The following RIPOR2 variants were observed in gnomAD, a reference collection of about 807,000 sequenced individuals.
RIPOR2 encodes rho family-interacting cell polarization regulator 2.
RIPOR2 carries 39 observed loss-of-function variants against 114.5 expected under a neutral mutation model. The observed-to-expected ratio is 0.34, with a 90% CI of 0.26 to 0.44. The LOEUF is 0.44. RIPOR2 is among the 20% of genes least tolerant of loss of function. RIPOR2 has a pLI of 1.00. For missense variants in RIPOR2, 1,007 were observed against 1,255.1 expected (o/e 0.80, Z 2.99); for synonymous variants, 445 against 484.4 (o/e 0.92, Z 1.07).
intron 9 of RIPOR2, among the ~76,000 whole-genome samples, chr6:24,852,202 C>T (rs566854331): frequency 1.0e-3 from 157 of 152,146 alleles, no homozygotes; most frequent in African/African-American, 3.7e-3. Context: ...GCAGAGGTTG[C>T]AGTGAGCTGA....
chr6:25,034,267 A>G (rs1777134794), intron 1 of RIPOR2, among the ~76,000 whole-genome samples: 1 of 104,150 alleles, frequency 9.6e-6, no homozygotes, highest in Non-Finnish European at 1.7e-5. Flanking sequence ...ATCAAGACAT[A>G]TTTTTCAGTG....
chr6:24,981,007 T>C (rs1478168360), intron 1 of RIPOR2, among the ~76,000 whole-genome samples: 1 of 152,236 alleles, frequency 6.6e-6, no homozygotes, highest in African/African-American at 2.4e-5. Context: ...TCCACCTCTG[T>C]AGGAGATGCA....
At chr6:24,811,454 C>A (rs1781157380) in intron 20 of RIPOR2, among the ~76,000 whole-genome samples, 1 of 151,552 alleles carries the variant, frequency 6.6e-6, no homozygotes, top group Non-Finnish European at 1.5e-5. Context: ...CCAGGCTGGT[C>A]TCGATCTCCT....
At chr6:25,025,248 G>C (rs757016775) in intron 1 of RIPOR2, among the ~76,000 whole-genome samples, 1 of 152,108 alleles carries the variant, frequency 6.6e-6, no homozygotes, top group Non-Finnish European at 1.5e-5. Context: ...TATAGTCAAG[G>C]GGGGAAAAAG....
chr6:24,913,092 C>T (rs192977500), intron 1 of RIPOR2, among the ~76,000 whole-genome samples: 111 of 152,156 alleles, frequency 7.3e-4, no homozygotes, highest in Non-Finnish European at 1.4e-3. Flanking sequence ...CCCCAACTTA[C>T]CCTATTGGGC....
chr6:24,874,925 G>A (rs906835574), intron 2 of RIPOR2, among the ~76,000 whole-genome samples: 3 of 152,114 alleles, frequency 2.0e-5, no homozygotes, highest in South Asian at 2.1e-4. Context: ...AGCTTGCAGC[G>A]GTAAGATGGA....
intron 6 of RIPOR2, 104 bp downstream of exon 6, chr6:24,868,990 G>T: frequency 1.6e-6 from 1 of 612,110 alleles, no homozygotes; most frequent in Non-Finnish European, 2.9e-6. Context: ...GGAGTCAATT[G>T]GATAGGAAGT....
intron 13 of RIPOR2, among the ~76,000 whole-genome samples, chr6:24,842,316 C>T (rs1416080914): frequency 1.3e-5 from 2 of 152,134 alleles, no homozygotes; most frequent in Non-Finnish European, 2.9e-5. Context: ...TTGAGGGTAT[C>T]CCTGGAGAGT....
intron 12 of RIPOR2, among the ~76,000 whole-genome samples, chr6:24,845,314 T>G (rs1762154270): frequency 6.6e-6 from 1 of 152,132 alleles, no homozygotes; most frequent in Non-Finnish European, 1.5e-5. Context: ...CATATACACC[T>G]TATGTCTCTA....
chr6:24,944,343 A>C (rs1772300795), intron 1 of RIPOR2, among the ~76,000 whole-genome samples: 1 of 152,186 alleles, frequency 6.6e-6, no homozygotes, highest in Non-Finnish European at 1.5e-5. Flanking sequence ...GCATCTAAAG[A>C]AATTTCTGTT....
chr6:24,864,097 T>C (rs1271214571), intron 7 of RIPOR2, among the ~76,000 whole-genome samples: 1 of 151,990 alleles, frequency 6.6e-6, no homozygotes, highest in Non-Finnish European at 1.5e-5. Context: ...AGATCAGGAG[T>C]TCGAGACCAG....
At chr6:25,020,033 G>C (rs1776242680) in intron 1 of RIPOR2, among the ~76,000 whole-genome samples, 1 of 151,860 alleles carries the variant, frequency 6.6e-6, no homozygotes, top group Non-Finnish European at 1.5e-5. Flanking sequence ...AATATTAATA[G>C]TTATATCTGG....
intron 1 of RIPOR2, among the ~76,000 whole-genome samples, chr6:25,035,918 T>A (rs1031288194): frequency 1.3e-5 from 2 of 152,152 alleles, no homozygotes; most frequent in African/African-American, 4.8e-5. Context: ...TAAGACTGTT[T>A]CTATGAATCA....
At position 24,858,499 on chromosome 6, in the gene RIPOR2, A is replaced by G. The variant is rs1763718318; in HGVS notation, c.715+2474T>C. ...TGAGAAAGCAGCTAATTGCAAAGAC[A>G]ATAGGATTTCTTGGCAGCATGAGGT... On this transcript the variant is annotated intron_variant, in intron 8 of 21. Transcript: ENST00000643898. This position sits in a 1 kb window ranked among gnomAD's most constrained non-coding sequence, Gnocchi z 4.0. Among the ~76,000 whole-genome samples, 1 of 152,212 alleles carries G rather than the reference A, an allele frequency of 6.6e-6. No homozygotes were observed. Among genetic ancestry groups the G allele is most frequent in the Admixed American group, 6.5e-5 (1 of 15,282 alleles).
chr6:24,928,936 A>G (rs556352867), intron 1 of RIPOR2, among the ~76,000 whole-genome samples: 1 of 152,324 alleles, frequency 6.6e-6, no homozygotes, highest in African/African-American at 2.4e-5. Flanking sequence ...TCTCACATTT[A>G]TATTTTAAGT....
At chr6:24,942,363 G>C (rs1487406400) in intron 1 of RIPOR2, among the ~76,000 whole-genome samples, 3 of 152,108 alleles carry the variant, frequency 2.0e-5, no homozygotes, top group African/African-American at 7.2e-5. Flanking sequence ...AATTAAAAGA[G>C]ATTGGATATT....
chr6:24,864,331 CA>C (rs1209306700), intron 7 of RIPOR2, among the ~76,000 whole-genome samples: 1 of 151,880 alleles, frequency 6.6e-6, no homozygotes, highest in Non-Finnish European at 1.5e-5. Flanking sequence ...CTCTATCTCT[CA>C]AAAAATAATA....
At chr6:24,946,210 A>G (rs7775697) in intron 1 of RIPOR2, among the ~76,000 whole-genome samples, 7,662 of 151,790 alleles carry the variant, frequency 0.05, 327 homozygotes, top group African/African-American at 0.11. Context: ...AGCCTCCCAA[A>G]TAGCTGGGAT....
At chr6:24,811,729 G>A (rs1289816896) in intron 20 of RIPOR2, among the ~76,000 whole-genome samples, 4 of 8,934 alleles carry the variant, frequency 4.5e-4, no homozygotes, top group African/African-American at 5.8e-4. Flanking sequence ...TGCACATTGT[G>A]CAGGTTAGTT....
Sources: allele counts gnomAD v4.1 joint callset (sites outside exome capture counted in the v4.1 genomes callset), GRCh38; gene constraint gnomAD v4.1.1; non-coding constraint Gnocchi (gnomAD v3.1); transcripts MANE v1.5; gene names NCBI Gene and HGNC (gene_info 2026-07-23, HGNC 2026-07-21).